The following GLI2 variants were observed in gnomAD, a reference collection of about 807,000 sequenced individuals.
The protein encoded by GLI2 is transcription activator GLI2.
Under a neutral mutation model 78.9 loss-of-function variants are expected in GLI2, and 22 were observed. That is an observed-to-expected ratio of 0.28 (90% confidence interval 0.20 to 0.40). The LOEUF (loss-of-function observed/expected upper bound fraction) is 0.40. Ranked by LOEUF, GLI2 falls within the 10% of genes least tolerant of loss-of-function variation. The probability of loss-of-function intolerance (pLI) is 1.00; values close to 1 mark genes in which losing one functional copy is unlikely to be tolerated. For missense variants in GLI2, 2,097 were observed against 2,213.2 expected (o/e 0.95, Z 1.05); for synonymous variants, 974 against 963.7 (o/e 1.01, Z -0.20).
intron 2 of GLI2, among the ~76,000 whole-genome samples, chr2:120,806,903 G>T (rs1473871353): frequency 6.6e-6 from 1 of 152,232 alleles, no homozygotes; most frequent in Non-Finnish European, 1.5e-5. Flanking sequence ...CCAAAAGCTT[G>T]TGGTTCCCCC....
intron 2 of GLI2, among the ~76,000 whole-genome samples, chr2:120,878,557 A>G (rs1688876119): frequency 6.6e-6 from 1 of 152,252 alleles, no homozygotes; most frequent in South Asian, 2.1e-4. Flanking sequence ...ATACAGAATT[A>G]CATACACAGT....
chr2:120,990,810 A>G lies in GLI2; in HGVS notation c.*135A>G. The G allele has an allele frequency of 1.5e-6, 1 of 653,502 alleles. No homozygotes were observed. Among genetic ancestry groups the G allele is most frequent in the Non-Finnish European group, 2.6e-6 (1 of 380,818 alleles). 40.5% of individuals were successfully genotyped at this position (653,502 alleles called of 1,614,324 possible). A position where few individuals can be genotyped will look rare whatever the true frequency, so the allele number is the denominator to read the frequency against. On this transcript the variant is annotated 3_prime_UTR_variant, in exon 14 of 14. Transcript: ENST00000361492. ...GGTTGTTGCGCAATGGCCGCTTCAG[A>G]TGACAGATGTTGTAAGAGAAGGTTT...
chr2:120,986,789 A>G (rs985706362), intron 13 of GLI2, among the ~76,000 whole-genome samples, 175 bp downstream of exon 13: 5 of 152,136 alleles, frequency 3.3e-5, no homozygotes, highest in Admixed American at 2.0e-4. Context: ...ACCCAAATCA[A>G]TGGCAGGGGT....
chr2:120,831,873 A>G (rs1012317855), intron 2 of GLI2, among the ~76,000 whole-genome samples: 4 of 152,196 alleles, frequency 2.6e-5, no homozygotes, highest in East Asian at 1.9e-4. Flanking sequence ...GATGAAATCA[A>G]TGGCACTAGT....
chr2:120,986,249 T>A (rs375852701), intron 12 of GLI2, 29 bp from the exon 13 acceptor site: 11 of 1,599,790 alleles, frequency 6.9e-6, no homozygotes, highest in South Asian at 4.4e-5. Flanking sequence ...ACCCTCTGAG[T>A]CTGAGCCTTC....
chr2:120,850,843 C>T (rs1431213293), intron 2 of GLI2, among the ~76,000 whole-genome samples: 1 of 152,184 alleles, frequency 6.6e-6, no homozygotes, highest in Non-Finnish European at 1.5e-5. Context: ...GAGTTGTCCT[C>T]TGTATAAATA....
chr2:120,939,843 G>A (rs569074781), intron 3 of GLI2, among the ~76,000 whole-genome samples: 2 of 152,316 alleles, frequency 1.3e-5, no homozygotes, highest in East Asian at 3.9e-4. Context: ...GACATTGCCA[G>A]ACTTCGCCCG....
intron 2 of GLI2, among the ~76,000 whole-genome samples, chr2:120,854,377 C>T (rs1377629130): frequency 1.3e-5 from 2 of 152,196 alleles, no homozygotes; most frequent in Admixed American, 1.3e-4. Context: ...CCAGTTCCAG[C>T]CGCGCATAGC....
At position 120,859,754 on chromosome 2, in the gene GLI2, C is replaced by CT. The variant is rs796743024; in HGVS notation, c.148+62300dup. Among the ~76,000 whole-genome samples the CT allele has an allele frequency of 8.4e-3, 1,203 of 143,934 alleles. 6 individuals are homozygous for CT. Among genetic ancestry groups the CT allele is most frequent in the Non-Finnish European group, 9.7e-3 (634 of 65,290 alleles). 94.4% of individuals were successfully genotyped at this position (143,934 alleles called of 152,430 possible). ...ACAGGCGTGAGCCATCGGGCCCGGC[C>CT]TTTTTTTTTTTTTTCTTTTGAGATG... On this transcript the variant is annotated intron_variant, in intron 2 of 13. Transcript: ENST00000361492.
chr2:120,833,189 C>T (rs1443847239), intron 2 of GLI2, among the ~76,000 whole-genome samples: 2 of 152,062 alleles, frequency 1.3e-5, no homozygotes, highest in East Asian at 3.9e-4. Flanking sequence ...TTTCTTTCTT[C>T]CTCGGCTTGT....
intron 2 of GLI2, among the ~76,000 whole-genome samples, chr2:120,844,999 A>C (rs1391401990): frequency 6.6e-6 from 1 of 152,182 alleles, no homozygotes; most frequent in African/African-American, 2.4e-5. Flanking sequence ...GAAGCTGGGC[A>C]CGGTGGCTCA....
chr2:120,989,103 A>G lies in GLI2; in HGVS notation c.3138A>G (p.Pro1046=). 3 of 1,612,696 alleles carry G rather than the reference A, an allele frequency of 1.9e-6. No homozygotes were observed. Among genetic ancestry groups the G allele is most frequent in the Non-Finnish European group, 1.7e-6 (2 of 1,179,916 alleles). The change falls in exon 14 of 14, where the codon CCA becomes CCG. Residue 1046 remains proline (P), a synonymous_variant. Coordinates refer to ENST00000361492, the MANE Select transcript of GLI2 (RefSeq NM_001374353.1). ...TGCCGGAGGACGACCTGGTGCTTCC[A>G]GACGACGTGGTGCAGTACATCAAGG... ...LGLPEDDLVL[P]DDVVQYIKAH... is the part of the protein sequence containing the mutation.
intron 3 of GLI2, among the ~76,000 whole-genome samples, chr2:120,928,389 C>T (rs1679792783): frequency 6.6e-6 from 1 of 152,194 alleles, no homozygotes; most frequent in Non-Finnish European, 1.5e-5. Flanking sequence ...GGAGTCACCT[C>T]CTCAGGGGCA....
chr2:120,759,173 T>C (rs778873914), intron 1 of GLI2, among the ~76,000 whole-genome samples: 7 of 152,138 alleles, frequency 4.6e-5, no homozygotes, highest in Non-Finnish European at 7.4e-5. Flanking sequence ...ACAGAAAACA[T>C]GTGTGACCAA....
intron 2 of GLI2, among the ~76,000 whole-genome samples, chr2:120,827,896 T>C (rs2104762049): frequency 6.6e-6 from 1 of 152,216 alleles, no homozygotes; most frequent in Non-Finnish European, 1.5e-5. Context: ...AGTGAGGAGT[T>C]CATGTTGAAT....
At position 120,986,814 on chromosome 2, in the gene GLI2, G is replaced by C. The variant is rs1683002654; in HGVS notation, c.2242+200G>C. On this transcript the variant is annotated intron_variant, in intron 13 of 13. Transcript: ENST00000361492. ...ATGGCAGGGGTGAGATTAGCCAAAG[G>C]CCATGCTCTTTCAACTGCACCATTC... 2.6e-5 allele frequency among the ~76,000 whole-genome samples: 4 copies of C among 152,178 alleles called. No individual in the cohort carries two copies. The South Asian group carries it at 8.3e-4, about 32-fold the overall frequency.
chr2:120,846,276 G>C (rs1028119569), intron 2 of GLI2, among the ~76,000 whole-genome samples: 10 of 152,226 alleles, frequency 6.6e-5, no homozygotes, highest in African/African-American at 2.4e-4. Context: ...ATGTGCATCT[G>C]TCTGGTGAGA....
chr2:120,917,683 T>A (rs1025280329), intron 2 of GLI2, among the ~76,000 whole-genome samples: 2 of 152,256 alleles, frequency 1.3e-5, no homozygotes, highest in African/African-American at 4.8e-5. Flanking sequence ...CCTGGTCACA[T>A]CCCTTCTGCC....
chr2:120,902,981 A>G (rs1678340247), intron 2 of GLI2, among the ~76,000 whole-genome samples: 1 of 152,206 alleles, frequency 6.6e-6, no homozygotes, highest in Non-Finnish European at 1.5e-5. Flanking sequence ...GAGCTGAGGC[A>G]GGAGAGGGAA....
Sources: gnomAD v4.1 joint callset for allele counts (sites outside exome capture counted in the v4.1 genomes callset) on GRCh38, gnomAD v4.1.1 for gene constraint, MANE v1.5 for transcripts, NCBI Gene and HGNC (gene_info 2026-07-23, HGNC 2026-07-21) for gene names.